Variants in NKTR observed in about 807,000 individuals in gnomAD.
NKTR encodes the protein NK-tumor recognition protein.
A neutral mutation model predicts 156.3 loss-of-function variants in NKTR; 67 were observed. That is an observed-to-expected ratio of 0.43 (90% CI 0.35 to 0.53). NKTR has a LOEUF of 0.53. Among genes scored for constraint, NKTR ranks in the 20% least tolerant of loss-of-function variants. The pLI, the probability that NKTR is intolerant of heterozygous loss-of-function variation, is 0.01. For synonymous variants in NKTR, 640 were observed against 596.6 expected, an observed-to-expected ratio of 1.07 and a Z score of -1.06; for missense variants, 1,604 against 1,730.9, an observed-to-expected ratio of 0.93 and a Z score of 1.30.
At position 42,638,367 on chromosome 3, in the gene NKTR, A is replaced by C; in HGVS notation, c.2663A>C (p.Glu888Ala). 1 of 1,613,866 alleles carries C rather than the reference A, an allele frequency of 6.2e-7. No individual in the cohort carries two copies. The highest frequency in any genetic ancestry group is 8.5e-7 in the Non-Finnish European group (1 of 1,179,934). The change falls in exon 13 of 17, where the codon GAG (glutamate) becomes GCG (alanine). Residue 888 changes from glutamate (E) to alanine (A), a missense_variant. Physicochemically the swap from Glu to Ala is moderately radical, Grantham distance 107. Coordinates refer to ENST00000232978, the MANE Select transcript of NKTR (RefSeq NM_005385.4). ...TATGCTGGTAGTAAATGGGACTCTG[A>C]GTCAAATTCAGAACGAGATGTCACT... is the stretch of plus-strand genomic sequence containing the variant. ...KNYAGSKWDSESNSERDVTKN... is the reference protein window; with the variant it reads ...KNYAGSKWDSASNSERDVTKN...
Position 42,639,273 on chromosome 3 carries a change from A to G in NKTR, c.3569A>G (p.Glu1190Gly). 6.2e-7 allele frequency: 1 copy of G among 1,614,196 alleles called. No individual in the cohort carries two copies. The highest frequency in any genetic ancestry group is 8.5e-7 in the Non-Finnish European group (1 of 1,180,018). ...ATGTCCGAAAGTAAAGTGTTGGGTG[A>G]AGTGGGGAAACAGGACAGCAGCTCT... ...SSMSESKVLGEVGKQDSSSAS... is the reference protein window; with the variant it reads ...SSMSESKVLGGVGKQDSSSAS... The change falls in exon 13 of 17, where the codon GAA becomes GGA. Residue 1190 changes from glutamate (E) to glycine (G), a missense_variant. Coordinates refer to ENST00000232978, the MANE Select transcript of NKTR (RefSeq NM_005385.4).
At chr3:42,620,260 GT>G (rs1707790800) in intron 5 of NKTR, 18 of 1,246,510 alleles carry the variant, frequency 1.4e-5, no homozygotes, top group South Asian at 6.7e-5. Context: ...TAGTTGTGGG[GT>G]TTTTTTTCCC....
At chr3:42,607,710 G>C (rs1706356586) in intron 2 of NKTR, among the ~76,000 whole-genome samples, 1 of 152,090 alleles carries the variant, frequency 6.6e-6, no homozygotes, top group African/African-American at 2.4e-5. Context: ...ATTCCATTCA[G>C]CCATTAAAAA....
rs1001449372 is a variant in NKTR at position 42,607,508 on chromosome 3, C to CA, written c.58+6455dup. On this transcript the variant is annotated intron_variant, in intron 2 of 16. Transcript: ENST00000232978. The stretch of plus-strand genomic sequence containing the variant: ...GACTGACATGCTTTCTAATGGGGTG[C>CA]AAAAAAAAAAAGATGGAGACTGTTT... 6.7e-4 allele frequency among the ~76,000 whole-genome samples: 89 copies of CA among 132,180 alleles called. 1 individual carries two copies. The highest frequency in any genetic ancestry group is 6.4e-3 in the East Asian group (30 of 4,660). 86.7% of individuals were successfully genotyped at this position (132,180 alleles called of 152,430 possible).
intron 2 of NKTR, among the ~76,000 whole-genome samples, chr3:42,613,280 A>G (rs1215227458): frequency 6.6e-6 from 1 of 152,156 alleles, no homozygotes; most frequent in Non-Finnish European, 1.5e-5. Context: ...CTCAGGCACA[A>G]CAGTATATAG....
At chr3:42,618,072 C>T (rs968533722) in intron 3 of NKTR, among the ~76,000 whole-genome samples, 4 of 151,968 alleles carry the variant, frequency 2.6e-5, no homozygotes, top group Middle Eastern at 3.4e-3. Flanking sequence ...ACAAACTGGC[C>T]GGGTGCGGTG....
chr3:42,635,862 C>T (rs60994254), intron 12 of NKTR, among the ~76,000 whole-genome samples: 25,653 of 151,220 alleles, frequency 0.17, 2,718 homozygotes, highest in East Asian at 0.47. Context: ...GAGCTGAGAT[C>T]GTGCCACTGC....
At chr3:42,645,223 C>T (rs1190720687) in intron 16 of NKTR, among the ~76,000 whole-genome samples, 1 of 151,304 alleles carries the variant, frequency 6.6e-6, no homozygotes, top group Non-Finnish European at 1.5e-5. Flanking sequence ...AATATTGATA[C>T]TCATTTTGGG....
At position 42,631,232 on chromosome 3, in the gene NKTR, C is replaced by G. The variant is rs1240615832; in HGVS notation, c.466C>G (p.Leu156Val). The change falls in exon 8 of 17, where the codon CTG becomes GTG. Residue 156 changes from leucine to valine, a missense_variant. Leu to Val is a conservative substitution (Grantham distance 32). Transcript: ENST00000232978. ...TGAAGTAATCGAACAAATTGAAAATCTGAAGACCGATGCTGCAAGCAGACC... is the reference window on the plus strand; with the variant it reads ...TGAAGTAATCGAACAAATTGAAAATGTGAAGACCGATGCTGCAAGCAGACC... ...GFEVIEQIEN[L>V]KTDAASRPYA... 6.2e-7 allele frequency: 1 copy of G among 1,614,044 alleles called. No homozygotes were observed. Among genetic ancestry groups the G allele is most frequent in the Admixed American group, 1.7e-5 (1 of 60,000 alleles).
intron 14 of NKTR, 80 bp from the exon 15 acceptor site, chr3:42,643,259 C>T: frequency 1.8e-6 from 2 of 1,096,688 alleles, no homozygotes; most frequent in Non-Finnish European, 1.4e-6. Flanking sequence ...CCTTGATGGG[C>T]AAATAAATGT....
intron 6 of NKTR, 67 bp from the exon 7 acceptor site, chr3:42,630,479 C>T (rs976784544): frequency 3.7e-5 from 59 of 1,602,158 alleles, no homozygotes; most frequent in Middle Eastern, 1.7e-4. Context: ...GTGTTTAAAC[C>T]TTTCTGCTCT....
At chr3:42,616,224 A>G (rs1707355498) in intron 2 of NKTR, among the ~76,000 whole-genome samples, 1 of 152,198 alleles carries the variant, frequency 6.6e-6, no homozygotes, top group South Asian at 2.1e-4. Context: ...ATTTTTATTT[A>G]TTCTGTAAGT....
At chr3:42,627,816 C>T in intron 6 of NKTR, 4 of 985,174 alleles carry the variant, frequency 4.1e-6, no homozygotes, top group Non-Finnish European at 3.6e-6. Flanking sequence ...AGCCTCTGGC[C>T]TTAACTTACT....
In NKTR at chr3:42,633,706, T is replaced by TA; in HGVS notation, c.901dup (p.Met301AsnfsTer9). 6.2e-7 allele frequency: 1 copy of TA among 1,614,102 alleles called. No individual in the cohort carries two copies. The highest frequency in any genetic ancestry group is 8.5e-7 in the Non-Finnish European group (1 of 1,179,966). On this transcript the variant is annotated frameshift_variant, in exon 10 of 17. Coordinates refer to ENST00000232978, the MANE Select transcript of NKTR (RefSeq NM_005385.4). LOFTEE classifies it high-confidence loss of function. ...AGAACCGATTTTTACTGAGAAGAGA[T>TA]ATGCCTGTTGTTACTGCAGAACCTG...
chr3:42,639,197 G>T lies in NKTR; in HGVS notation c.3493G>T (p.Asp1165Tyr). ...TPDINIVLKQ[D>Y]MATEHPQAEV... ...AGATATAAACATTGTTTTGAAGCAG[G>T]ATATGGCAACGGAACATCCTCAAGC... Residue 1165 changes from aspartate to tyrosine, a missense_variant, in exon 13 of 17, where the codon GAT becomes TAT. Asp to Tyr is a radical substitution (Grantham distance 160, BLOSUM62 -3). Coordinates refer to ENST00000232978, the MANE Select transcript of NKTR (RefSeq NM_005385.4). 2.5e-6 allele frequency: 4 copies of T among 1,614,166 alleles called. No individual in the cohort carries two copies. Among genetic ancestry groups the T allele is most frequent in the African/African-American group, 2.7e-5 (2 of 75,040 alleles).
rs1708557176 is a variant in NKTR at position 42,628,012 on chromosome 3, T to C, written c.375-2534T>C. 3.0e-6 allele frequency: 3 copies of C among 985,356 alleles called. No homozygotes were observed. In the South Asian group the frequency reaches 1.4e-4, roughly 46 times the overall value. 61.0% of individuals were successfully genotyped at this position (985,356 alleles called of 1,614,324 possible). ...CCGCCCTTTTGTAACCCTCTTTGGCTAATGTCCTCTGTTCATCCACGTATT... is the reference window on the plus strand; with the variant it reads ...CCGCCCTTTTGTAACCCTCTTTGGCCAATGTCCTCTGTTCATCCACGTATT... On this transcript the variant is annotated intron_variant, in intron 6 of 16. Transcript: ENST00000232978.
chr3:42,632,404 G>C (rs398743), intron 8 of NKTR, among the ~76,000 whole-genome samples, 197 bp from the exon 9 acceptor site: 42,269 of 151,752 alleles, frequency 0.28, 6,544 homozygotes, highest in East Asian at 0.47. Context: ...AAGAATATAG[G>C]CTTCATAAAG....
At chr3:42,618,897 T>C (rs1391232091) in intron 3 of NKTR, 123 bp from the exon 4 acceptor site, 7 of 752,122 alleles carry the variant, frequency 9.3e-6, no homozygotes, top group Non-Finnish European at 1.3e-5. Flanking sequence ...CATCTATTTC[T>C]TATATCTCTT....
At chr3:42,611,747 AAAT>A (rs1706839264) in intron 2 of NKTR, among the ~76,000 whole-genome samples, 1 of 151,452 alleles carries the variant, frequency 6.6e-6, no homozygotes, top group African/African-American at 2.4e-5. Context: ...AAAAAAAAAA[AAAT>A]GTATGCCTAA....
Sources: allele counts gnomAD v4.1 joint callset (sites outside exome capture counted in the v4.1 genomes callset), GRCh38; gene constraint gnomAD v4.1.1; transcripts MANE v1.5; gene names NCBI Gene and HGNC (gene_info 2026-07-23, HGNC 2026-07-21).